Variants in PHF2 observed in about 807,000 individuals in gnomAD.
PHF2 encodes the protein PHD finger protein 2, also known as lysine-specific demethylase PHF2.
A neutral mutation model predicts 120.5 loss-of-function variants in PHF2; 27 were observed. The observed-to-expected ratio is 0.22, with a 90% CI of 0.17 to 0.31. The LOEUF is 0.31. PHF2 is among the 10% of genes least tolerant of loss of function. PHF2 has a pLI of 1.00. For missense variants in PHF2, 1,024 were observed against 1,434.8 expected, an observed-to-expected ratio of 0.71 and a Z score of 4.63; for synonymous variants, 568 against 592.5, an observed-to-expected ratio of 0.96 and a Z score of 0.60.
chr9:93,656,510 G>A lies in PHF2; in HGVS notation c.1062G>A (p.Arg354=). Residue 354 remains arginine (R), a synonymous_variant, in exon 9 of 22, where the codon AGG becomes AGA. Coordinates refer to ENST00000359246, the MANE Select transcript of PHF2 (RefSeq NM_005392.4). The surrounding 1 kb of genome is among the most constrained non-coding windows in gnomAD (Gnocchi z 4.1). ...CTAGAGCATATGAAGTGGAAAGGAGGTTGAAACTGGGCAGCCTGACTCAGT... is the reference window on the plus strand; with the variant it reads ...CTAGAGCATATGAAGTGGAAAGGAGATTGAAACTGGGCAGCCTGACTCAGT... ...MQMRAYEVER[R]LKLGSLTQFP... 1 of 1,613,694 alleles carries A rather than the reference G, an allele frequency of 6.2e-7. No individual in the cohort carries two copies. Among genetic ancestry groups the A allele is most frequent in the Non-Finnish European group, 8.5e-7 (1 of 1,179,774 alleles).
rs563708593 is a variant in PHF2, at chr9:93,667,005, A to C, written c.2188-75A>C. Reference sequence around the variant, plus strand: ...AGTTTAGTCCCTGAAGGGAAAAAGTATCCTCCTCCCAACTCCCAGGCCACT... The same window carrying C: ...AGTTTAGTCCCTGAAGGGAAAAAGTCTCCTCCTCCCAACTCCCAGGCCACT... On this transcript the variant is annotated intron_variant, in intron 16 of 21. Coordinates refer to ENST00000359246, the MANE Select transcript of PHF2 (RefSeq NM_005392.4). The C allele has an allele frequency of 3.7e-5, 46 of 1,258,674 alleles. No homozygotes were observed. The South Asian group carries it at 6.4e-4, about 18-fold the overall frequency. 78.0% of individuals were successfully genotyped at this position (1,258,674 alleles called of 1,614,324 possible).
intron 1 of PHF2, among the ~76,000 whole-genome samples, chr9:93,603,257 G>C (rs1825478400): frequency 1.3e-5 from 2 of 152,158 alleles, no homozygotes; most frequent in African/African-American, 2.4e-5. Flanking sequence ...AGACCCCAGG[G>C]TCAGAGGCAC....
In PHF2 at chr9:93,677,326, C is replaced by T. The variant is rs1826936666; in HGVS notation, c.3203-262C>T. 6.6e-6 allele frequency among the ~76,000 whole-genome samples: 1 copy of T among 151,768 alleles called. No homozygotes were observed. The highest frequency in any genetic ancestry group is 1.5e-5 in the Non-Finnish European group (1 of 67,970). On this transcript the variant is annotated intron_variant, in intron 21 of 21. Coordinates refer to ENST00000359246, the MANE Select transcript of PHF2 (RefSeq NM_005392.4). This position sits in a 1 kb window ranked among gnomAD's most constrained non-coding sequence, Gnocchi z 4.4. Reference sequence around the variant, plus strand: ...TGCCCAGGCATCCTCATGTCCTCCTCATAATGCCATCCCCAAGCCCATGTC... The same window carrying T: ...TGCCCAGGCATCCTCATGTCCTCCTTATAATGCCATCCCCAAGCCCATGTC...
chr9:93,587,392 G>GT (rs1863068556), intron 1 of PHF2, among the ~76,000 whole-genome samples: 1 of 147,404 alleles, frequency 6.8e-6, no homozygotes, highest in African/African-American at 2.5e-5. Context: ...CCTCAGATGA[G>GT]GGACGGAGGA....
chr9:93,592,355 G>A (rs1825243763), intron 1 of PHF2, among the ~76,000 whole-genome samples: 1 of 152,138 alleles, frequency 6.6e-6, no homozygotes, highest in Non-Finnish European at 1.5e-5. Context: ...TACTCATTTG[G>A]GGAGCGCAGC....
In PHF2 at chr9:93,676,889, C is replaced by T; in HGVS notation, c.3128C>T (p.Pro1043Leu). Residue 1043 changes from proline (P) to leucine (L), a missense_variant, in exon 21 of 22, where the codon CCC (proline) becomes CTC (leucine). Physicochemically the swap from Pro to Leu is moderately conservative, Grantham distance 98. Transcript: ENST00000359246. ...GCCCAGGCTGGCCGCACCTCCCAGC[C>T]CATGGCCCCTGGGGTCTTTCTCACA... Reference protein sequence around the residue: ...TGAQAGRTSQPMAPGVFLTQR... With the variant: ...TGAQAGRTSQLMAPGVFLTQR... 1 of 1,582,084 alleles carries T rather than the reference C, an allele frequency of 6.3e-7. No homozygotes were observed. The highest frequency in any genetic ancestry group is 8.6e-7 in the Non-Finnish European group (1 of 1,164,722).
chr9:93,610,620 TTTTTG>T (rs767575629), intron 1 of PHF2, among the ~76,000 whole-genome samples: 1 of 152,210 alleles, frequency 6.6e-6, no homozygotes, highest in Non-Finnish European at 1.5e-5. Flanking sequence ...TGTAGGTTGT[TTTTTG>T]TTTTGTTTTG....
chr9:93,612,870 A>T (rs1825660395), intron 1 of PHF2, among the ~76,000 whole-genome samples: 2 of 152,188 alleles, frequency 1.3e-5, no homozygotes, highest in Non-Finnish European at 2.9e-5. Flanking sequence ...TTCTCCTCTG[A>T]GGCCCATGCC....
Position 93,649,106 on chromosome 9 carries a change from A to G in PHF2, c.496A>G (p.Lys166Glu), listed in dbSNP as rs1426301921. ...GAGTGTGGATGTGACAGATGTCACC[A>G]AGCAGAAGGACTGCAAGATGAAGCT... Reference protein sequence around the residue: ...ERSVDVTDVTKQKDCKMKLKE... With the variant: ...ERSVDVTDVTEQKDCKMKLKE... Residue 166 changes from lysine to glutamate, a missense_variant, in exon 5 of 22, where the codon AAG (lysine) becomes GAG (glutamate). Transcript: ENST00000359246. The G allele has an allele frequency of 6.4e-7, 1 of 1,551,244 alleles. No individual in the cohort carries two copies. Among genetic ancestry groups the G allele is most frequent in the South Asian group, 1.2e-5 (1 of 84,036 alleles).
intron 12 of PHF2, among the ~76,000 whole-genome samples, chr9:93,662,513 CGAAT>C (rs530102986): frequency 1.5e-3 from 215 of 139,640 alleles, no homozygotes; most frequent in African/African-American, 5.7e-3. Flanking sequence ...ATGGGATGAA[CGAAT>C]GGATGGATGG....
In PHF2 at chr9:93,675,740, C is replaced by T. The variant is rs1191317728; in HGVS notation, c.2783C>T (p.Ala928Val). The T allele has an allele frequency of 6.2e-7, 1 of 1,613,056 alleles. No individual in the cohort carries two copies. The highest frequency in any genetic ancestry group is 8.5e-7 in the Non-Finnish European group (1 of 1,179,928). The change falls in exon 20 of 22, where the codon GCT (alanine) becomes GTT (valine). Residue 928 changes from alanine (A) to valine (V), a missense_variant. Around this residue, in one of 2 missense-constraint regions of PHF2, gnomAD observed 677 missense variants for 857.4 expected, o/e 0.79. Transcript: ENST00000359246. Reference protein sequence around the residue: ...DRPVREGTRVASIETGLAAAA... With the variant: ...DRPVREGTRVVSIETGLAAAA... ...CCTGTGCGTGAGGGTACACGGGTGGCTTCCATCGAGACCGGGCTGGCGGCT... is the reference window on the plus strand; with the variant it reads ...CCTGTGCGTGAGGGTACACGGGTGGTTTCCATCGAGACCGGGCTGGCGGCT...
At chr9:93,626,149 AG>A (rs780116278) in intron 1 of PHF2, among the ~76,000 whole-genome samples, 1 of 152,160 alleles carries the variant, frequency 6.6e-6, no homozygotes, top group Non-Finnish European at 1.5e-5. Flanking sequence ...AGGCTGAGAC[AG>A]GGGAACTGCT....
At chr9:93,635,174 G>T (rs1221856256) in intron 2 of PHF2, among the ~76,000 whole-genome samples, 1 of 152,182 alleles carries the variant, frequency 6.6e-6, no homozygotes, top group Non-Finnish European at 1.5e-5. Flanking sequence ...TGGGCAGGGA[G>T]ATTGAACACA....
At chr9:93,619,289 C>T (rs943952576) in intron 1 of PHF2, among the ~76,000 whole-genome samples, 13 of 152,224 alleles carry the variant, frequency 8.5e-5, no homozygotes, top group African/African-American at 2.9e-4. Context: ...GGTGGAAACA[C>T]TGCTCTCGTT....
At chr9:93,607,795 C>T (rs1229772361) in intron 1 of PHF2, among the ~76,000 whole-genome samples, 1 of 152,084 alleles carries the variant, frequency 6.6e-6, no homozygotes, top group Non-Finnish European at 1.5e-5. Flanking sequence ...GTGTTCATTT[C>T]TGATAAATAA....
At chr9:93,663,490 A>G in intron 13 of PHF2, 27 bp from the exon 14 acceptor site, 3 of 1,435,126 alleles carry the variant, frequency 2.1e-6, no homozygotes, top group Non-Finnish European at 2.0e-6. Context: ...TGTGGGGCTC[A>G]GGGACGGCCC....
rs1219377346 is a variant in PHF2, at chr9:93,576,747, G to C, written c.-27G>C. 8.7e-7 allele frequency: 1 copy of C among 1,146,404 alleles called. No homozygotes were observed. The highest frequency in any genetic ancestry group is 1.1e-6 in the Non-Finnish European group (1 of 903,478). 71.0% of individuals were successfully genotyped at this position (1,146,404 alleles called of 1,614,324 possible). A position where few individuals can be genotyped will look rare whatever the true frequency, so the allele number is the denominator to read the frequency against. On this transcript the variant is annotated 5_prime_UTR_variant, in exon 1 of 22. Coordinates refer to ENST00000359246, the MANE Select transcript of PHF2 (RefSeq NM_005392.4). ...ACCGACCCGGGCAGCGCAGCGGCGG[G>C]GCCGAGCGGCGGCGCGGCGCGGCAA... is the stretch of plus-strand genomic sequence containing the variant.
chr9:93,589,654 A>G (rs1863131728), intron 1 of PHF2, among the ~76,000 whole-genome samples: 1 of 152,204 alleles, frequency 6.6e-6, no homozygotes, highest in Non-Finnish European at 1.5e-5. Context: ...ACATTTATTC[A>G]TTTGAAATTG....
intron 4 of PHF2, 107 bp from the exon 5 acceptor site, chr9:93,648,964 C>CTG: frequency 7.8e-7 from 1 of 1,287,340 alleles, no homozygotes; most frequent in Non-Finnish European, 1.1e-6. Flanking sequence ...GCAGCTCCTG[C>CTG]TGTGTGTGAG....
Sources: gnomAD v4.1 joint callset for allele counts (sites outside exome capture counted in the v4.1 genomes callset) on GRCh38, gnomAD v4.1.1 for gene constraint, gnomAD v4.1.1 regional missense constraint, Gnocchi (gnomAD v3.1) non-coding constraint, MANE v1.5 for transcripts, NCBI Gene and HGNC (gene_info 2026-07-23, HGNC 2026-07-21) for gene names.